The following FRMD4A variants were observed in gnomAD, a reference collection of about 807,000 sequenced individuals.
FRMD4A encodes the protein FERM domain containing 4A.
FRMD4A carries 29 observed loss-of-function variants against 129.1 expected under a neutral mutation model. That is an observed-to-expected ratio of 0.22 (90% CI 0.17 to 0.31). FRMD4A has a LOEUF of 0.31. Ranked by LOEUF, FRMD4A falls within the 10% of genes least tolerant of loss-of-function variation. The pLI is 1.00. For missense variants in FRMD4A, 1,272 were observed against 1,375.8 expected, an observed-to-expected ratio of 0.92 and a Z score of 1.19; for synonymous variants, 634 against 571.6, an observed-to-expected ratio of 1.11 and a Z score of -1.56.
chr10:13,846,475 C>T (rs1589003355), intron 3 of FRMD4A, among the ~76,000 whole-genome samples: 1 of 152,194 alleles, frequency 6.6e-6, no homozygotes, highest in Admixed American at 6.5e-5. Flanking sequence ...CAGACCTTCT[C>T]CATGTGCTGA....
At chr10:14,246,857 G>C (rs969446699) in intron 2 of FRMD4A, among the ~76,000 whole-genome samples, 13 of 152,146 alleles carry the variant, frequency 8.5e-5, no homozygotes, top group African/African-American at 2.7e-4. Context: ...CAGGTGGAAG[G>C]GGAGGGAGTG....
intron 2 of FRMD4A, among the ~76,000 whole-genome samples, chr10:13,900,511 T>A (rs1426464716): frequency 6.6e-6 from 1 of 152,190 alleles, no homozygotes; most frequent in Non-Finnish European, 1.5e-5. Flanking sequence ...AGTACCACGG[T>A]ATAAAATTGG....
chr10:13,818,644 T>C (rs1345782204), intron 3 of FRMD4A, among the ~76,000 whole-genome samples: 1 of 152,204 alleles, frequency 6.6e-6, no homozygotes, highest in East Asian at 1.9e-4. Flanking sequence ...TTCAGGTAAG[T>C]TACTAAACCT....
intron 2 of FRMD4A, among the ~76,000 whole-genome samples, chr10:13,996,766 C>G (rs755905061): frequency 6.6e-6 from 1 of 152,184 alleles, no homozygotes; most frequent in African/African-American, 2.4e-5. Flanking sequence ...AAGAACTCCA[C>G]GAGATCTTAG....
At chr10:13,792,318 C>A (rs2093020402) in intron 5 of FRMD4A, among the ~76,000 whole-genome samples, 1 of 152,062 alleles carries the variant, frequency 6.6e-6, no homozygotes, top group South Asian at 2.1e-4. Context: ...CCTGGCCCTG[C>A]CTATACAGGG....
chr10:14,287,881 A>G (rs1312310070), intron 2 of FRMD4A, among the ~76,000 whole-genome samples: 1 of 152,182 alleles, frequency 6.6e-6, no homozygotes, highest in Non-Finnish European at 1.5e-5. Context: ...TGTTAAAACC[A>G]TAATTCTTTA....
chr10:13,693,657 C>G, intron 15 of FRMD4A: 1 of 635,764 alleles, frequency 1.6e-6, no homozygotes, highest in Non-Finnish European at 2.7e-6. Flanking sequence ...ACCAGCAGGC[C>G]TTCTTGCACT....
intron 2 of FRMD4A, among the ~76,000 whole-genome samples, chr10:14,189,863 G>C (rs1715143175): frequency 6.6e-6 from 1 of 152,152 alleles, no homozygotes; most frequent in African/African-American, 2.4e-5. Context: ...TTGGGAATTT[G>C]AGTCGGCCTC....
chr10:13,695,567 G>A (rs979637118), intron 14 of FRMD4A, among the ~76,000 whole-genome samples: 4 of 152,200 alleles, frequency 2.6e-5, no homozygotes, highest in Non-Finnish European at 4.4e-5. Context: ...TCAACTTTTT[G>A]TGAGTGTGCT....
chr10:13,903,717 A>AT (rs2094847623), intron 2 of FRMD4A, among the ~76,000 whole-genome samples: 1 of 151,558 alleles, frequency 6.6e-6, no homozygotes, highest in Non-Finnish European at 1.5e-5. Flanking sequence ...AAAAAAATAA[A>AT]AATAAAAAAA....
At chr10:13,794,863 G>T (rs1340032403) in intron 5 of FRMD4A, among the ~76,000 whole-genome samples, 10 of 152,146 alleles carry the variant, frequency 6.6e-5, no homozygotes, top group Admixed American at 6.5e-4. Context: ...TCTATTGCTA[G>T]CACCTATTTA....
chr10:14,199,867 A>T lies in FRMD4A; in HGVS notation c.45+130191T>A, dbSNP rs887647584. ...CTTTAAGAAAGACATGAATAATTTT[A>T]AAAATTTTACTAAAATTTTAAAAAT... On this transcript the variant is annotated intron_variant, in intron 2 of 24. Transcript: ENST00000357447. Among the ~76,000 whole-genome samples the T allele has an allele frequency of 6.0e-5, 9 of 151,026 alleles. 1 individual carries two copies. Among genetic ancestry groups the T allele is most frequent in the Non-Finnish European group, 1.3e-4 (9 of 67,542 alleles).
chr10:14,154,275 C>T (rs1340197507), intron 2 of FRMD4A, among the ~76,000 whole-genome samples: 1 of 152,076 alleles, frequency 6.6e-6, no homozygotes, highest in Non-Finnish European at 1.5e-5. Context: ...AAGCTGAAGA[C>T]GAGTGAATTA....
At chr10:13,926,945 A>G (rs1170184151) in intron 2 of FRMD4A, among the ~76,000 whole-genome samples, 1 of 152,130 alleles carries the variant, frequency 6.6e-6, no homozygotes, top group Non-Finnish European at 1.5e-5. Context: ...GTCCAACCCA[A>G]GCCTTCATTT....
chr10:14,220,899 A>T (rs1214812393), intron 2 of FRMD4A, among the ~76,000 whole-genome samples: 7 of 151,772 alleles, frequency 4.6e-5, no homozygotes, highest in Non-Finnish European at 1.0e-4. Context: ...ACTCTACTGT[A>T]TTGATTGGAC....
At chr10:14,083,220 T>A (rs1836034908) in intron 2 of FRMD4A, 1 of 152,264 alleles carries the variant, frequency 6.6e-6, no homozygotes, top group Non-Finnish European at 1.5e-5. Flanking sequence ...GAATGACAGC[T>A]GACATGTTTG....
chr10:13,936,399 A>G (rs1422170073), intron 2 of FRMD4A, among the ~76,000 whole-genome samples: 1 of 152,222 alleles, frequency 6.6e-6, no homozygotes, highest in Non-Finnish European at 1.5e-5. Context: ...GCTCTTTGCT[A>G]TAGGCTGAAT....
At chr10:14,240,091 T>G (rs1488867007) in intron 2 of FRMD4A, among the ~76,000 whole-genome samples, 1 of 152,230 alleles carries the variant, frequency 6.6e-6, no homozygotes, top group East Asian at 1.9e-4. Flanking sequence ...TCTACTATGT[T>G]GATGGTTGCT....
intron 2 of FRMD4A, among the ~76,000 whole-genome samples, chr10:14,015,210 TCTTCC>T (rs2095695085): frequency 1.0e-5 from 1 of 99,868 alleles, no homozygotes; most frequent in Non-Finnish European, 2.1e-5. Flanking sequence ...TTTAATCTTT[TCTTCC>T]CTTCCCTTTC....
Sources: gnomAD v4.1 joint callset for allele counts (sites outside exome capture counted in the v4.1 genomes callset) on GRCh38, gnomAD v4.1.1 for gene constraint, MANE v1.5 for transcripts, NCBI Gene and HGNC (gene_info 2026-07-23, HGNC 2026-07-21) for gene names.